Variants in EFCAB6 observed in about 807,000 individuals in gnomAD.
The protein encoded by EFCAB6 is EF-hand calcium-binding domain-containing protein 6.
A neutral mutation model predicts 169.8 loss-of-function variants in EFCAB6; 156 were observed. The observed-to-expected ratio is 0.92, with a 90% CI of 0.81 to 1.05. The LOEUF is 1.05. Ranked by LOEUF, EFCAB6 falls within the 50% of genes least tolerant of loss-of-function variation. The pLI is 0.00. For synonymous variants in EFCAB6, 698 were observed against 676.4 expected (o/e 1.03, Z -0.50); for missense variants, 1,800 against 1,829.1 (o/e 0.98, Z 0.29).
Position 43,705,028 on chromosome 22 carries a change from GATGAAAAAAGATATTCCATGCAA to G in EFCAB6, c.1031+6424_1031+6446del, listed in dbSNP as rs562055907. On this transcript the variant is annotated intron_variant, in intron 10 of 31. Coordinates refer to ENST00000262726, the MANE Select transcript of EFCAB6 (RefSeq NM_022785.4). ...GACATACATAGACTGAAAGTAAAGG[GATGAAAAAAGATATTCCATGCAA>G]ATGGAAACCAAATGAGAAAGGATAG... Among the ~76,000 whole-genome samples, 88 of 152,112 alleles carry G rather than the reference GATGAAAAAAGATATTCCATGCAA, an allele frequency of 5.8e-4. 1 individual carries two copies. The East Asian group carries it at 0.01, about 17-fold the overall frequency.
chr22:43,800,836 A>AG (rs2062684767), intron 2 of EFCAB6, among the ~76,000 whole-genome samples: 1 of 152,244 alleles, frequency 6.6e-6, no homozygotes, highest in Non-Finnish European at 1.5e-5. Flanking sequence ...TATAAGATAT[A>AG]GAAAATTTCC....
At chr22:43,778,782 C>G (rs1156895426) in intron 3 of EFCAB6, among the ~76,000 whole-genome samples, 2 of 152,234 alleles carry the variant, frequency 1.3e-5, no homozygotes, top group Non-Finnish European at 2.9e-5. Flanking sequence ...AGAGATTAAA[C>G]TGAGCTCACC....
chr22:43,772,202 C>A (rs1201442376), intron 4 of EFCAB6, among the ~76,000 whole-genome samples: 1 of 152,212 alleles, frequency 6.6e-6, no homozygotes, highest in African/African-American at 2.4e-5. Context: ...GGGCCTGAGT[C>A]TGACTTATCT....
At chr22:43,688,537 A>G (rs963765068) in intron 10 of EFCAB6, among the ~76,000 whole-genome samples, 3 of 152,226 alleles carry the variant, frequency 2.0e-5, no homozygotes, top group African/African-American at 7.2e-5. Flanking sequence ...CATGGGTTTC[A>G]GAAAGACCAG....
At chr22:43,609,289 C>T (rs931016798) in intron 21 of EFCAB6, among the ~76,000 whole-genome samples, 1 of 152,116 alleles carries the variant, frequency 6.6e-6, no homozygotes, top group African/African-American at 2.4e-5. Flanking sequence ...CTTCATCACC[C>T]GCTATTCTAC....
At chr22:43,719,366 T>G (rs933633799) in intron 8 of EFCAB6, among the ~76,000 whole-genome samples, 5 of 152,234 alleles carry the variant, frequency 3.3e-5, no homozygotes, top group African/African-American at 1.2e-4. Flanking sequence ...TTATGTTCAC[T>G]GCAGGCGAAA....
At chr22:43,548,796 T>C (rs1312367884) in intron 27 of EFCAB6, among the ~76,000 whole-genome samples, 1 of 151,972 alleles carries the variant, frequency 6.6e-6, no homozygotes, top group Non-Finnish European at 1.5e-5. Context: ...ATAACAAGCT[T>C]TTACTCAGCA....
At chr22:43,596,278 T>C (rs1052652316) in intron 23 of EFCAB6, among the ~76,000 whole-genome samples, 2 of 151,882 alleles carry the variant, frequency 1.3e-5, no homozygotes, top group Admixed American at 1.3e-4. Context: ...ATAAAGCGCA[T>C]CCAAATTGGA....
intron 6 of EFCAB6, among the ~76,000 whole-genome samples, chr22:43,743,639 T>A (rs1569462846): frequency 6.6e-6 from 1 of 152,098 alleles, no homozygotes; most frequent in Non-Finnish European, 1.5e-5. Flanking sequence ...CTGACTGGGA[T>A]CAAAGGCTAA....
intron 6 of EFCAB6, among the ~76,000 whole-genome samples, chr22:43,738,146 TCA>T (rs1471589806): frequency 1.6e-4 from 22 of 141,114 alleles, no homozygotes; most frequent in Non-Finnish European, 2.8e-4. Context: ...GTGCATATAC[TCA>T]CACTCACACC....
At chr22:43,548,215 T>G (rs893156697) in intron 27 of EFCAB6, among the ~76,000 whole-genome samples, 6 of 152,154 alleles carry the variant, frequency 3.9e-5, no homozygotes, top group African/African-American at 1.4e-4. Context: ...AACATCCATA[T>G]AAATAAATGA....
intron 26 of EFCAB6, among the ~76,000 whole-genome samples, chr22:43,557,735 C>T (rs1365102539): frequency 1.3e-5 from 2 of 152,076 alleles, no homozygotes; most frequent in Non-Finnish European, 2.9e-5. Context: ...AAAAGTCAGT[C>T]TAGTTATGGC....
chr22:43,687,494 T>C lies in EFCAB6; in HGVS notation c.1119A>G (p.Lys373=). ...ACCTATTTCTTTTTGTCAGGGGACC[T>C]TTACTGCTAACTTGCAACCCCTGAG... ...HEPQGLQVSS[K]GPLTKRNSIN... The change falls in exon 11 of 32, where the codon AAA becomes AAG. Residue 373 remains lysine, a synonymous_variant. Coordinates refer to ENST00000262726, the MANE Select transcript of EFCAB6 (RefSeq NM_022785.4). The C allele has an allele frequency of 6.4e-7, 1 of 1,562,264 alleles. No homozygotes were observed. The highest frequency in any genetic ancestry group is 8.7e-7 in the Non-Finnish European group (1 of 1,152,128).
intron 2 of EFCAB6, among the ~76,000 whole-genome samples, chr22:43,788,733 T>C (rs1226427337): frequency 6.6e-6 from 1 of 152,224 alleles, no homozygotes; most frequent in African/African-American, 2.4e-5. Context: ...CCCAGGTATA[T>C]ACCCAAGGGA....
intron 13 of EFCAB6, among the ~76,000 whole-genome samples, chr22:43,675,083 G>A (rs1216478354): frequency 1.3e-5 from 2 of 151,214 alleles, no homozygotes; most frequent in African/African-American, 2.4e-5. Flanking sequence ...CTATTCCAAC[G>A]CACTGTCTAG....
At chr22:43,636,136 C>A (rs191819046) in intron 17 of EFCAB6, among the ~76,000 whole-genome samples, 182 of 152,264 alleles carry the variant, frequency 1.2e-3, no homozygotes, top group Non-Finnish European at 2.2e-3. Context: ...ATGACCAATC[C>A]CACCCGGAAC....
At chr22:43,585,977 A>C (rs888306290) in intron 24 of EFCAB6, among the ~76,000 whole-genome samples, 32 of 152,248 alleles carry the variant, frequency 2.1e-4, no homozygotes, top group African/African-American at 7.7e-4. Flanking sequence ...TAAAACTGAG[A>C]GACTTTATTA....
At chr22:43,780,754 A>C (rs2148027593) in intron 3 of EFCAB6, among the ~76,000 whole-genome samples, 1 of 152,250 alleles carries the variant, frequency 6.6e-6, no homozygotes, top group South Asian at 2.1e-4. Context: ...CGGTTGTTGG[A>C]AACAGTCTCT....
chr22:43,577,690 AAC>A lies in EFCAB6; in HGVS notation c.3229-1204_3229-1203del, dbSNP rs534184244. On this transcript the variant is annotated intron_variant, in intron 25 of 31. Transcript: ENST00000262726. ...GTTAAGGAGAACGATCATAAGAATG[AAC>A]ACAGACAACTGTGCCGCAGGGGCAA... Among the ~76,000 whole-genome samples the A allele has an allele frequency of 3.5e-3, 532 of 152,298 alleles. 1 individual carries two copies. The highest frequency in any genetic ancestry group is 0.012 in the African/African-American group (511 of 41,554).
Sources: allele counts gnomAD v4.1 joint callset (sites outside exome capture counted in the v4.1 genomes callset), GRCh38; gene constraint gnomAD v4.1.1; transcripts MANE v1.5; gene names NCBI Gene and HGNC (gene_info 2026-07-23, HGNC 2026-07-21).